Variants in AGBL1 observed in about 807,000 individuals in gnomAD.
AGBL1 encodes the protein cytosolic carboxypeptidase 4.
AGBL1 carries 130 observed loss-of-function variants against 118.9 expected under a neutral mutation model. That is an observed-to-expected ratio of 1.09 (90% confidence interval 0.95 to 1.26). AGBL1 has a LOEUF of 1.26. Among genes scored for constraint, AGBL1 ranks in the 50% most tolerant of loss-of-function variants. The pLI is 0.00. For missense variants in AGBL1, 1,584 were observed against 1,298.1 expected (o/e 1.22, Z -3.38); for synonymous variants, 555 against 478.9 (o/e 1.16, Z -2.08).
intron 23 of AGBL1, among the ~76,000 whole-genome samples, chr15:86,980,658 T>C (rs2081222979): frequency 6.6e-6 from 1 of 152,134 alleles, no homozygotes; most frequent in South Asian, 2.1e-4. Context: ...AAAACGTAGA[T>C]TCCACTAGTC....
At chr15:86,541,118 GAGA>G (rs1391991507) in intron 19 of AGBL1, among the ~76,000 whole-genome samples, 1 of 152,186 alleles carries the variant, frequency 6.6e-6, no homozygotes, top group Non-Finnish European at 1.5e-5. Flanking sequence ...TATTCACAGA[GAGA>G]AACTAAGATG....
chr15:86,679,466 A>T (rs1194923396), intron 22 of AGBL1, among the ~76,000 whole-genome samples: 1 of 152,092 alleles, frequency 6.6e-6, no homozygotes, highest in Non-Finnish European at 1.5e-5. Flanking sequence ...TTATACCTAA[A>T]AGTATTTCCA....
chr15:87,015,300 G>T (rs1433819090), intron 24 of AGBL1, among the ~76,000 whole-genome samples: 1 of 152,020 alleles, frequency 6.6e-6, no homozygotes, highest in Non-Finnish European at 1.5e-5. Flanking sequence ...ATACTTATCA[G>T]CCTCCATAAT....
intron 24 of AGBL1, among the ~76,000 whole-genome samples, chr15:87,027,777 C>G (rs1408274872): frequency 6.6e-6 from 1 of 151,852 alleles, no homozygotes; most frequent in Non-Finnish European, 1.5e-5. Flanking sequence ...CAAACTAATG[C>G]GGGAACAGAA....
chr15:86,501,216 A>G (rs1157767114), intron 18 of AGBL1, among the ~76,000 whole-genome samples: 3 of 151,798 alleles, frequency 2.0e-5, no homozygotes, highest in Admixed American at 2.0e-4. Context: ...ATGAAATGGT[A>G]TCTTTTTGTA....
At chr15:86,954,648 G>C (rs568178125) in intron 23 of AGBL1, among the ~76,000 whole-genome samples, 1 of 152,212 alleles carries the variant, frequency 6.6e-6, no homozygotes, top group South Asian at 2.1e-4. Context: ...TGGACTACTA[G>C]AAGGGGGGAA....
chr15:86,233,349 G>A (rs1030755083), intron 6 of AGBL1, among the ~76,000 whole-genome samples: 5 of 151,922 alleles, frequency 3.3e-5, no homozygotes, highest in East Asian at 1.9e-4. Context: ...TAGCCCAGGC[G>A]AGGAGATTAG....
intron 22 of AGBL1, among the ~76,000 whole-genome samples, chr15:86,859,674 G>A (rs928906283): frequency 3.9e-5 from 6 of 152,190 alleles, no homozygotes; most frequent in Admixed American, 2.6e-4. Context: ...AGCTGCAGCA[G>A]GTCTGGACGA....
intron 19 of AGBL1, among the ~76,000 whole-genome samples, chr15:86,527,579 C>A (rs978820413): frequency 1.3e-5 from 2 of 152,184 alleles, no homozygotes; most frequent in Non-Finnish European, 2.9e-5. Flanking sequence ...ACTCAGCACT[C>A]AGGCCTATCC....
intron 5 of AGBL1, among the ~76,000 whole-genome samples, chr15:86,213,765 A>G (rs12592122): frequency 0.62 from 93,796 of 151,952 alleles, 29,203 homozygotes; most frequent in South Asian, 0.78. Flanking sequence ...TAAAAGATAC[A>G]TAACCTAAAA....
chr15:86,285,000 G>A (rs1479118598), intron 16 of AGBL1, among the ~76,000 whole-genome samples: 4 of 152,084 alleles, frequency 2.6e-5, no homozygotes, highest in South Asian at 4.2e-4. Context: ...GCTTCCACAG[G>A]GCTGTAATTA....
At chr15:86,427,051 C>G (rs1002047963) in intron 18 of AGBL1, among the ~76,000 whole-genome samples, 9 of 152,150 alleles carry the variant, frequency 5.9e-5, no homozygotes, top group Non-Finnish European at 1.0e-4. Flanking sequence ...CAGGCATGAG[C>G]CACTGCACCT....
At chr15:86,207,309 A>G (rs1486263810) in intron 5 of AGBL1, among the ~76,000 whole-genome samples, 1 of 152,232 alleles carries the variant, frequency 6.6e-6, no homozygotes, top group Non-Finnish European at 1.5e-5. Context: ...TTTCGGTTCC[A>G]TATGAACTTT....
At chr15:86,716,065 CAAAAAA>C (rs35322996) in intron 22 of AGBL1, among the ~76,000 whole-genome samples, 1 of 109,804 alleles carries the variant, frequency 9.1e-6, no homozygotes, top group Admixed American at 8.9e-5. Flanking sequence ...GACTCCGTCT[CAAAAAA>C]AAAAAAAAAA....
At chr15:86,580,640 A>G (rs2084160713) in intron 21 of AGBL1, among the ~76,000 whole-genome samples, 1 of 152,148 alleles carries the variant, frequency 6.6e-6, no homozygotes, top group African/African-American at 2.4e-5. Context: ...CATGTATACA[A>G]TGTATAATGA....
At position 86,256,929 on chromosome 15, in the gene AGBL1, G is replaced by T; in HGVS notation, c.812G>T (p.Ser271Ile). 1 of 1,613,914 alleles carries T rather than the reference G, an allele frequency of 6.2e-7. No individual in the cohort carries two copies. Among genetic ancestry groups the T allele is most frequent in the Non-Finnish European group, 8.5e-7 (1 of 1,179,878 alleles). Residue 271 changes from serine (S) to isoleucine (I), a missense_variant, in exon 8 of 23, where the codon AGT becomes ATT. Transcript: ENST00000614907. ...LQILRQCYPT[S>I]PLPLVTASSA... ...ATCCTGAGGCAGTGCTACCCTACGAGTCCACTTCCCTTGGTCACAGCCAGC... is the reference window on the plus strand; with the variant it reads ...ATCCTGAGGCAGTGCTACCCTACGATTCCACTTCCCTTGGTCACAGCCAGC...
At chr15:86,296,215 C>CAAAAAAA (rs10536464) in intron 17 of AGBL1, 1 of 103,312 alleles carries the variant, frequency 9.7e-6, no homozygotes. Flanking sequence ...CTTAGGTAGG[C>CAAAAAAA]AAAAAAAAAA....
At chr15:86,196,868 T>TGCGCGCGCGCGCGC (rs149539990) in intron 5 of AGBL1, among the ~76,000 whole-genome samples, 3 of 95,714 alleles carry the variant, frequency 3.1e-5, no homozygotes, top group African/African-American at 1.4e-4. Context: ...TGTGCACATG[T>TGCGCGCGCGCGCGC]GCGCGCGCGC....
At chr15:86,571,330 C>G (rs1413212807) in intron 21 of AGBL1, among the ~76,000 whole-genome samples, 2 of 152,128 alleles carry the variant, frequency 1.3e-5, no homozygotes, top group Admixed American at 1.3e-4. Flanking sequence ...TTCAGCAGGT[C>G]CCGAGTTCTT....
Sources: gnomAD v4.1 joint callset for allele counts (sites outside exome capture counted in the v4.1 genomes callset) on GRCh38, gnomAD v4.1.1 for gene constraint, MANE v1.5 for transcripts, NCBI Gene and HGNC (gene_info 2026-07-23, HGNC 2026-07-21) for gene names.